Variants in DTNA observed in about 807,000 individuals in gnomAD.
DTNA encodes the protein dystrophin-related protein 3.
A neutral mutation model predicts 100.7 loss-of-function variants in DTNA; 43 were observed. That is an observed-to-expected ratio of 0.43 (90% CI 0.33 to 0.55). DTNA has a LOEUF of 0.55. Ranked by LOEUF, DTNA falls within the 20% of genes least tolerant of loss-of-function variation. DTNA has a pLI of 0.04. For synonymous variants in DTNA, 349 were observed against 347.9 expected (o/e 1.00, Z -0.04); for missense variants, 798 against 953.9 (o/e 0.84, Z 2.15).
At chr18:34,659,790 C>CGG (rs1339506467) in intron 1 of DTNA, among the ~76,000 whole-genome samples, 1 of 152,174 alleles carries the variant, frequency 6.6e-6, no homozygotes, top group African/African-American at 2.4e-5. Context: ...AACCGGTGAC[C>CGG]GTATTTAGTG....
At chr18:34,670,237 G>A (rs137991387) in intron 1 of DTNA, among the ~76,000 whole-genome samples, 4,341 of 152,142 alleles carry the variant, frequency 0.029, 96 homozygotes, top group Non-Finnish European at 0.043. Context: ...TTGTGCATTC[G>A]TCACGTAGTT....
chr18:34,866,873 TA>T (rs1430667114), intron 17 of DTNA: 7 of 1,072,460 alleles, frequency 6.5e-6, no homozygotes, highest in Non-Finnish European at 7.9e-6. Flanking sequence ...GGTCATTACA[TA>T]CTTTTTTTTT....
At chr18:34,734,496 A>G (rs1016957166) in intron 1 of DTNA, among the ~76,000 whole-genome samples, 3 of 152,156 alleles carry the variant, frequency 2.0e-5, no homozygotes, top group Non-Finnish European at 2.9e-5. Flanking sequence ...CTGTGCATGC[A>G]TCTTTCATTG....
chr18:34,652,397 C>T (rs1240866134), intron 1 of DTNA, among the ~76,000 whole-genome samples: 1 of 152,102 alleles, frequency 6.6e-6, no homozygotes, highest in Non-Finnish European at 1.5e-5. Flanking sequence ...GCCCTATCCA[C>T]CCTTCCCATT....
intron 13 of DTNA, among the ~76,000 whole-genome samples, chr18:34,847,736 G>A (rs2096405807): frequency 6.6e-6 from 1 of 152,172 alleles, no homozygotes; most frequent in South Asian, 2.1e-4. Context: ...GTCCAAGATG[G>A]AAGCCATGGT....
chr18:34,593,691 G>A (rs538070739), intron 1 of DTNA, among the ~76,000 whole-genome samples: 7 of 152,186 alleles, frequency 4.6e-5, no homozygotes, highest in Non-Finnish European at 8.8e-5. Flanking sequence ...TACATTTTGT[G>A]CAGCAGAAAG....
chr18:34,745,184 G>T (rs1568385787), intron 1 of DTNA, among the ~76,000 whole-genome samples: 1 of 151,858 alleles, frequency 6.6e-6, no homozygotes, highest in East Asian at 1.9e-4. Flanking sequence ...TCCTATTGCA[G>T]AAAACAATAT....
chr18:34,736,931 AG>A (rs2089722242), intron 1 of DTNA, among the ~76,000 whole-genome samples: 1 of 152,208 alleles, frequency 6.6e-6, no homozygotes, highest in South Asian at 2.1e-4. Context: ...GCTTTGCCAC[AG>A]GGCATCAGTT....
At chr18:34,866,400 T>C (rs1177985002) in intron 17 of DTNA, 1 of 1,346,602 alleles carries the variant, frequency 7.4e-7, no homozygotes, top group Non-Finnish European at 9.6e-7. Flanking sequence ...TGGAAACATT[T>C]TAGATCCCCA....
At chr18:34,691,398 G>A (rs1447956348) in intron 1 of DTNA, among the ~76,000 whole-genome samples, 2 of 152,162 alleles carry the variant, frequency 1.3e-5, no homozygotes, top group Non-Finnish European at 2.9e-5. Flanking sequence ...CTCTCTGAGC[G>A]TCAGTTGACC....
At chr18:34,786,579 CG>C (rs1555794502) in intron 3 of DTNA, among the ~76,000 whole-genome samples, 2 of 152,060 alleles carry the variant, frequency 1.3e-5, no homozygotes, top group Non-Finnish European at 2.9e-5. Context: ...ACTTTAAGCA[CG>C]GAGGGCAGGG....
At chr18:34,819,411 A>G (rs2095660575) in intron 8 of DTNA, among the ~76,000 whole-genome samples, 1 of 152,212 alleles carries the variant, frequency 6.6e-6, no homozygotes, top group Non-Finnish European at 1.5e-5. Flanking sequence ...GCAACTCCTC[A>G]CTGTTGTTTA....
rs375133208 is a variant in DTNA at position 34,556,777 on chromosome 18, A to G, written c.-2+63263A>G. On this transcript the variant is annotated intron_variant, in intron 1 of 19. Coordinates refer to the DTNA transcript ENST00000283365. ...ATGGGCTTCCCTTTGAGGGTAACCCAACCTTTCTCTCTGGCTGCCCTTAAC... is the reference window on the plus strand; with the variant it reads ...ATGGGCTTCCCTTTGAGGGTAACCCGACCTTTCTCTCTGGCTGCCCTTAAC... Among the ~76,000 whole-genome samples, 563 of 151,528 alleles carry G rather than the reference A, an allele frequency of 3.7e-3. 3 individuals are homozygous for G. The highest frequency in any genetic ancestry group is 0.012 in the African/African-American group (491 of 40,970).
intron 1 of DTNA, among the ~76,000 whole-genome samples, chr18:34,629,448 T>C (rs1290196729): frequency 1.6e-4 from 24 of 152,194 alleles, no homozygotes; most frequent in Admixed American, 1.6e-3. Context: ...TTATTGCCAT[T>C]GTTGTCCAGA....
chr18:34,639,755 A>C (rs2059061419), intron 1 of DTNA, among the ~76,000 whole-genome samples: 1 of 152,188 alleles, frequency 6.6e-6, no homozygotes, highest in Non-Finnish European at 1.5e-5. Flanking sequence ...AATTGGTGGC[A>C]GTGTTTTTGT....
intron 3 of DTNA, among the ~76,000 whole-genome samples, chr18:34,785,125 G>A (rs1023689295): frequency 6.6e-6 from 1 of 151,970 alleles, no homozygotes; most frequent in African/African-American, 2.4e-5. Flanking sequence ...GTGTTAGCCA[G>A]GATGGTCTCA....
Position 34,494,150 on chromosome 18 carries a change from G to T in DTNA, c.-2+636G>T, listed in dbSNP as rs1183553979. The stretch of plus-strand genomic sequence containing the variant: ...GGGTTGAGTTGTTTTCGTTGTGGTC[G>T]CTGCCCTCTTGGTCATCCTCTCGGG... On this transcript the variant is annotated intron_variant, in intron 1 of 19. Transcript: ENST00000283365. The T allele has an allele frequency of 2.0e-5, 3 of 151,992 alleles. No individual in the cohort carries two copies. In the East Asian group the frequency reaches 5.8e-4, roughly 30 times the overall value. 9.4% of individuals were successfully genotyped at this position (151,992 alleles called of 1,614,324 possible).
intron 1 of DTNA, among the ~76,000 whole-genome samples, chr18:34,518,704 CG>C (rs1326458594): frequency 8.2e-6 from 1 of 121,576 alleles, no homozygotes; most frequent in East Asian, 2.6e-4. Context: ...ATTTGGCAAA[CG>C]TGTGTGTGTG....
chr18:34,884,397 A>G (rs1603357997), intron 21 of DTNA, among the ~76,000 whole-genome samples: 1 of 152,364 alleles, frequency 6.6e-6, no homozygotes, highest in East Asian at 1.9e-4. Flanking sequence ...AGTTTTTACC[A>G]TCGCTGGTAA....
Sources: allele counts gnomAD v4.1 joint callset (sites outside exome capture counted in the v4.1 genomes callset), GRCh38; gene constraint gnomAD v4.1.1; transcripts MANE v1.5; gene names NCBI Gene and HGNC (gene_info 2026-07-23, HGNC 2026-07-21).